VIT: variants seen among roughly 807,000 people sequenced by gnomAD.
VIT encodes the protein vitrin.
In VIT, 99 loss-of-function variants were observed where a neutral mutation model predicts 78.0. The observed-to-expected ratio is 1.27, with a 90% CI of 1.08 to 1.50. The LOEUF (loss-of-function observed/expected upper bound fraction) is 1.50. VIT is among the 40% of genes most tolerant of loss of function. The pLI is 0.00. For missense variants in VIT, 1,126 were observed against 875.3 expected (o/e 1.29, Z -3.61); for synonymous variants, 374 against 334.3 (o/e 1.12, Z -1.29).
rs934219233 is a variant in VIT, at chr2:36,768,635, G to A, written c.679+1350G>A. 4.6e-5 allele frequency among the ~76,000 whole-genome samples: 7 copies of A among 152,230 alleles called. No individual in the cohort carries two copies. The East Asian group carries it at 1.4e-3, about 29-fold the overall frequency. ...AAACTGGTTCCAGCCTACACAGCTG[G>A]GAAGTGGCAGAACTGGAATTCAAAC... On this transcript the variant is annotated intron_variant, in intron 7 of 15. Transcript: ENST00000379242.
chr2:36,776,668 G>T (rs963480369), intron 9 of VIT, among the ~76,000 whole-genome samples: 4 of 152,018 alleles, frequency 2.6e-5, no homozygotes. Flanking sequence ...GGTGGTGCGT[G>T]CCTGTAATCC....
intron 12 of VIT, among the ~76,000 whole-genome samples, chr2:36,788,222 C>T (rs11899319): frequency 0.024 from 3,604 of 152,150 alleles, 125 homozygotes; most frequent in African/African-American, 0.082. Flanking sequence ...CTTAGAAGTG[C>T]GGTCACAGCT....
chr2:36,788,706 T>C (rs1572541762), intron 12 of VIT, among the ~76,000 whole-genome samples: 1 of 152,226 alleles, frequency 6.6e-6, no homozygotes, highest in South Asian at 2.1e-4. Flanking sequence ...AGAGGAAACA[T>C]ACGCGTTTTA....
In VIT at chr2:36,741,098, G is replaced by A. The variant is rs148247644; in HGVS notation, c.119-2002G>A. On this transcript the variant is annotated intron_variant, in intron 3 of 15. Transcript: ENST00000379242. ...TTCATTTTCTTTACCTCTAAGGGAGGAGATGCATTTGGGAGTGAGGAAGTG... is the reference window on the plus strand; with the variant it reads ...TTCATTTTCTTTACCTCTAAGGGAGAAGATGCATTTGGGAGTGAGGAAGTG... Among the ~76,000 whole-genome samples the A allele has an allele frequency of 1.6e-4, 24 of 152,312 alleles. 1 individual carries two copies. The East Asian group carries it at 4.4e-3, about 28-fold the overall frequency.
At chr2:36,735,632 A>C (rs1667468280) in intron 3 of VIT, among the ~76,000 whole-genome samples, 1 of 151,978 alleles carries the variant, frequency 6.6e-6, no homozygotes, top group Admixed American at 6.6e-5. Flanking sequence ...CTAAATCTCC[A>C]CCCCAAGGTG....
chr2:36,717,322 C>T (rs1666211835), intron 2 of VIT, among the ~76,000 whole-genome samples: 1 of 150,064 alleles, frequency 6.7e-6, no homozygotes, highest in Non-Finnish European at 1.5e-5. Flanking sequence ...CTCCCACCAC[C>T]ACGCCTGGCT....
At chr2:36,726,828 A>C (rs1476641104) in intron 2 of VIT, among the ~76,000 whole-genome samples, 12 of 146,840 alleles carry the variant, frequency 8.2e-5, no homozygotes, top group Non-Finnish European at 1.3e-4. Context: ...CAAAAAAAAA[A>C]AAAAAAAAAA....
At chr2:36,773,437 T>G (rs1217722731) in intron 7 of VIT, among the ~76,000 whole-genome samples, 1 of 152,018 alleles carries the variant, frequency 6.6e-6, no homozygotes, top group African/African-American at 2.4e-5. Flanking sequence ...ATAGAAAGAA[T>G]GAAAACAGTC....
At chr2:36,782,559 A>G (rs2148622933) in intron 10 of VIT, among the ~76,000 whole-genome samples, 1 of 152,196 alleles carries the variant, frequency 6.6e-6, no homozygotes, top group Admixed American at 6.5e-5. Context: ...AAACGGGGAG[A>G]CTCACTTCCA....
chr2:36,698,655 T>C (rs556737410), intron 1 of VIT, among the ~76,000 whole-genome samples: 78 of 152,310 alleles, frequency 5.1e-4, no homozygotes, highest in African/African-American at 1.7e-3. Flanking sequence ...TATAGCAATG[T>C]AATCTTGGCC....
intron 1 of VIT, among the ~76,000 whole-genome samples, chr2:36,710,215 A>T (rs1270670732): frequency 6.6e-6 from 1 of 152,140 alleles, no homozygotes; most frequent in Non-Finnish European, 1.5e-5. Context: ...TTTTTTCATT[A>T]TTTCATTTTT....
intron 4 of VIT, among the ~76,000 whole-genome samples, chr2:36,753,133 A>G (rs763153510): frequency 6.6e-6 from 1 of 151,680 alleles, no homozygotes. Flanking sequence ...GCATGTTCTC[A>G]CTTATACGTG....
At chr2:36,761,872 A>G (rs1445976083) in intron 6 of VIT, among the ~76,000 whole-genome samples, 1 of 152,184 alleles carries the variant, frequency 6.6e-6, no homozygotes, top group Non-Finnish European at 1.5e-5. Flanking sequence ...TGTGCCACAC[A>G]CCTGCACTAC....
At chr2:36,794,646 T>A (rs1404569208) in intron 12 of VIT, among the ~76,000 whole-genome samples, 1 of 152,164 alleles carries the variant, frequency 6.6e-6, no homozygotes, top group Non-Finnish European at 1.5e-5. Flanking sequence ...TGATGAAAAA[T>A]TCATCTAAGT....
chr2:36,767,228 G>A lies in VIT; in HGVS notation c.622G>A (p.Ala208Thr), dbSNP rs1274637929. ...TTLPRPSPSA[A>T]STTSIPRPQS... is the part of the protein sequence containing the mutation. The stretch of plus-strand genomic sequence containing the variant: ...CTTGCCAAGGCCATCCCCTTCTGCT[G>A]CTTCTACCACCAGCATCCCCAGACC... Residue 208 changes from alanine (A) to threonine (T), a missense_variant, in exon 7 of 16, where the codon GCT (alanine) becomes ACT (threonine). Ala to Thr is a moderately conservative substitution (Grantham distance 58). Transcript: ENST00000379242. 6 of 1,603,978 alleles carry A rather than the reference G, an allele frequency of 3.7e-6. No homozygotes were observed. The South Asian group carries it at 4.5e-5, about 12-fold the overall frequency.
rs1480636039 is a variant in VIT, at chr2:36,787,115, T to C, written c.911-14T>C. 1.2e-6 allele frequency: 2 copies of C among 1,614,044 alleles called. No homozygotes were observed. The highest frequency in any genetic ancestry group is 8.5e-7 in the Non-Finnish European group (1 of 1,180,014). ...GAGATCATGAGAATAATAGAGTCTT[T>C]TTCCGTTCCGCAGACTGCAAAATTG... is the stretch of plus-strand genomic sequence containing the variant. On this transcript the variant is annotated splice_polypyrimidine_tract_variant and intron_variant, in intron 11 of 15. Coordinates refer to ENST00000379242, the MANE Select transcript of VIT (RefSeq NM_053276.4).
At chr2:36,710,407 A>G (rs546003067) in intron 1 of VIT, among the ~76,000 whole-genome samples, 2 of 152,258 alleles carry the variant, frequency 1.3e-5, no homozygotes, top group African/African-American at 2.4e-5. Context: ...AAGAATATAT[A>G]TATTTAAAGT....
At chr2:36,727,055 G>C (rs7599651) in intron 2 of VIT, among the ~76,000 whole-genome samples, 142,291 of 152,200 alleles carry the variant, frequency 0.93, 67,239 homozygotes, top group East Asian at 1. Context: ...GCTATCGGAG[G>C]TTCTGCTCCT....
At chr2:36,726,276 T>G (rs1161597544) in intron 2 of VIT, among the ~76,000 whole-genome samples, 1 of 152,228 alleles carries the variant, frequency 6.6e-6, no homozygotes, top group African/African-American at 2.4e-5. Flanking sequence ...CAATTAAAAT[T>G]ACTGTAGAAA....
Sources: gnomAD v4.1 joint callset for allele counts (sites outside exome capture counted in the v4.1 genomes callset) on GRCh38, gnomAD v4.1.1 for gene constraint, MANE v1.5 for transcripts, NCBI Gene and HGNC (gene_info 2026-07-23, HGNC 2026-07-21) for gene names.